Variants in UNC80 observed in about 807,000 individuals in gnomAD.
The protein encoded by UNC80 is protein unc-80 homolog.
Under a neutral mutation model 384.6 loss-of-function variants are expected in UNC80, and 164 were observed. That is an observed-to-expected ratio of 0.43 (90% CI 0.38 to 0.49). UNC80 has a LOEUF of 0.49. Ranked by LOEUF, UNC80 falls within the 20% of genes least tolerant of loss-of-function variation. The pLI is 0.00. For missense variants in UNC80, 3,330 were observed against 4,143.0 expected, an observed-to-expected ratio of 0.80 and a Z score of 5.39; for synonymous variants, 1,486 against 1,527.8, an observed-to-expected ratio of 0.97 and a Z score of 0.64.
intron 40 of UNC80, among the ~76,000 whole-genome samples, chr2:209,936,638 GTA>G (rs764320691): frequency 3.3e-4 from 50 of 151,758 alleles, no homozygotes; most frequent in Admixed American, 2.6e-4. Context: ...ATATATATGT[GTA>G]TATATATATG....
At chr2:209,910,874 A>G (rs561905441) in intron 29 of UNC80, among the ~76,000 whole-genome samples, 21 of 152,322 alleles carry the variant, frequency 1.4e-4, no homozygotes, top group Middle Eastern at 6.8e-3. Flanking sequence ...GAATCATTTA[A>G]AATTGTGTGC....
Position 209,894,169 on chromosome 2 carries a change from G to T in UNC80, c.4283G>T (p.Ser1428Ile). 1 of 985,384 alleles carries T rather than the reference G, an allele frequency of 1.0e-6. No individual in the cohort carries two copies. The highest frequency in any genetic ancestry group is 1.2e-6 in the Non-Finnish European group (1 of 829,920). 61.0% of individuals were successfully genotyped at this position (985,384 alleles called of 1,614,324 possible). ...TTTTATTCTTTTAATACAGTTCCCA[G>T]CAGGAAGATCAGGATAGGAGGTTCT... is the stretch of plus-strand genomic sequence containing the variant. Reference protein sequence around the residue: ...DAGVEEKKVPSRKIRIGGSRL... With the variant: ...DAGVEEKKVPIRKIRIGGSRL... The change falls in exon 27 of 65, where the codon AGC (serine) becomes ATC (isoleucine). Residue 1428 changes from serine (S) to isoleucine (I), a missense_variant. Ser to Ile is a moderately radical substitution (Grantham distance 142, BLOSUM62 -2). Around this residue, in one of 8 missense-constraint regions of UNC80, gnomAD observed 801 missense variants for 950.8 expected, o/e 0.84. Coordinates refer to ENST00000673920, the MANE Select transcript of UNC80 (RefSeq NM_001371986.1).
chr2:209,857,048 C>T (rs2082989027), intron 22 of UNC80, among the ~76,000 whole-genome samples: 1 of 152,082 alleles, frequency 6.6e-6, no homozygotes, highest in Admixed American at 6.6e-5. Flanking sequence ...CCTTGCCTTC[C>T]CAAAGTGCTG....
In UNC80 at chr2:209,839,217, T is replaced by C. The variant is rs1331725882; in HGVS notation, c.3042-5T>C. ...AGTTTAACCCTATCCTCTGCTTGCCTACAGCGATGAACAAATGCAAGGAGC... is the reference window on the plus strand; with the variant it reads ...AGTTTAACCCTATCCTCTGCTTGCCCACAGCGATGAACAAATGCAAGGAGC... On this transcript the variant is annotated splice_region_variant and splice_polypyrimidine_tract_variant and intron_variant, in intron 18 of 64. Coordinates refer to ENST00000673920, the MANE Select transcript of UNC80 (RefSeq NM_001371986.1). The surrounding 1 kb of genome is among the most constrained non-coding windows in gnomAD (Gnocchi z 4.1). 2 of 1,551,200 alleles carry C rather than the reference T, an allele frequency of 1.3e-6. No homozygotes were observed. The highest frequency in any genetic ancestry group is 2.7e-5 in the African/African-American group (2 of 73,010).
In UNC80 at chr2:209,945,146, C is replaced by G. The variant is rs895348958; in HGVS notation, c.7146C>G (p.Asp2382Glu). The G allele has an allele frequency of 1.3e-6, 2 of 1,551,374 alleles. No homozygotes were observed. The highest frequency in any genetic ancestry group is 1.4e-5 in the African/African-American group (1 of 73,014). ...SLEGETTDIL[D>E]ILELVKAEKP... ...AGGGAGAGACCACCGACATATTAGA[C>G]ATCTTAGAGCTGGTCAAAGCTGAGA... is the stretch of plus-strand genomic sequence containing the variant. The change falls in exon 46 of 65, where the codon GAC (aspartate) becomes GAG (glutamate). Residue 2382 changes from aspartate to glutamate, a missense_variant. Transcript: ENST00000673920.
intron 59 of UNC80, among the ~76,000 whole-genome samples, chr2:209,979,841 A>G (rs933265850): frequency 4.6e-5 from 7 of 152,258 alleles, no homozygotes; most frequent in Non-Finnish European, 8.8e-5. Flanking sequence ...ATACCAAACA[A>G]CAACAAAAAG....
intron 61 of UNC80, among the ~76,000 whole-genome samples, chr2:209,988,541 A>G (rs139855290): frequency 0.012 from 1,856 of 152,304 alleles, 20 homozygotes; most frequent in Non-Finnish European, 0.017. Flanking sequence ...AGTGCATAAA[A>G]GATATACTTT....
chr2:209,773,831 A>G (rs1479664542), intron 2 of UNC80, among the ~76,000 whole-genome samples: 1 of 152,246 alleles, frequency 6.6e-6, no homozygotes, highest in African/African-American at 2.4e-5. Context: ...CTAAAAATGA[A>G]TAATATAAAA....
intron 54 of UNC80, among the ~76,000 whole-genome samples, 159 bp from the exon 55 acceptor site, chr2:209,972,042 G>A (rs1319334064): frequency 6.6e-6 from 1 of 152,200 alleles, no homozygotes; most frequent in Non-Finnish European, 1.5e-5. Flanking sequence ...TAAAGTATCA[G>A]TTTTGAGTGA....
intron 38 of UNC80, among the ~76,000 whole-genome samples, chr2:209,933,161 G>T (rs1473580950): frequency 1.3e-5 from 2 of 152,052 alleles, no homozygotes; most frequent in Admixed American, 1.3e-4. Flanking sequence ...TCAATGTATA[G>T]AATGCTGAAC....
At chr2:209,974,681 C>T (rs1188711377) in intron 56 of UNC80, among the ~76,000 whole-genome samples, 1 of 152,220 alleles carries the variant, frequency 6.6e-6, no homozygotes, top group East Asian at 1.9e-4. Context: ...GTGTTATTCT[C>T]ATTTTAGGAG....
At chr2:209,937,745 C>A in intron 42 of UNC80, 115 bp downstream of exon 42, 2 of 736,716 alleles carry the variant, frequency 2.7e-6, no homozygotes, top group Non-Finnish European at 4.6e-6. Flanking sequence ...TCTCTGGAGA[C>A]AGTAGTTGGC....
chr2:209,983,332 A>C (rs1207725231), intron 60 of UNC80, among the ~76,000 whole-genome samples: 1 of 130,602 alleles, frequency 7.7e-6, no homozygotes, highest in Non-Finnish European at 1.7e-5. Flanking sequence ...TAAAATGATA[A>C]ATCATTAATA....
At chr2:209,890,872 A>G (rs1048693009) in intron 26 of UNC80, among the ~76,000 whole-genome samples, 7 of 152,246 alleles carry the variant, frequency 4.6e-5, no homozygotes, top group Admixed American at 3.9e-4. Context: ...CTAATTATGA[A>G]CTAAAGATTG....
At chr2:209,863,558 T>C (rs2083490376) in intron 22 of UNC80, among the ~76,000 whole-genome samples, 4 of 151,968 alleles carry the variant, frequency 2.6e-5, no homozygotes. Context: ...TCTGTAGTCT[T>C]GTCTGCATTC....
chr2:209,881,377 G>C (rs568410267), intron 25 of UNC80, among the ~76,000 whole-genome samples: 1 of 152,094 alleles, frequency 6.6e-6, no homozygotes, highest in Non-Finnish European at 1.5e-5. Flanking sequence ...GGAGCCTTTA[G>C]CTTCCTTTAC....
At chr2:209,936,399 A>G (rs2091247874) in intron 40 of UNC80, among the ~76,000 whole-genome samples, 1 of 152,228 alleles carries the variant, frequency 6.6e-6, no homozygotes, top group African/African-American at 2.4e-5. Flanking sequence ...TAATGTGCAC[A>G]GTGCATGATA....
intron 60 of UNC80, among the ~76,000 whole-genome samples, chr2:209,984,633 G>T (rs1035059971): frequency 2.0e-5 from 3 of 152,148 alleles, no homozygotes; most frequent in African/African-American, 7.2e-5. Context: ...TCCTCTGAGA[G>T]TTGTATCCAT....
At position 209,921,524 on chromosome 2, in the gene UNC80, TC is replaced by T; in HGVS notation, c.5371del (p.Arg1791AlafsTer10). On this transcript the variant is annotated frameshift_variant, in exon 34 of 65. Transcript: ENST00000673920. LOFTEE classifies it high-confidence loss of function. Reference sequence around the variant, plus strand: ...GAAATCCTTTTCAGCCCGGGCTGTGTCCCGCTCCCATCAAAGGGCAGAACAC... The same window carrying T: ...GAAATCCTTTTCAGCCCGGGCTGTGTCCGCTCCCATCAAAGGGCAGAACAC... ...QSKSFSARAV[S>X]RSHQRAEHIL... 1 of 1,529,022 alleles carries T rather than the reference TC, an allele frequency of 6.5e-7. No individual in the cohort carries two copies. The highest frequency in any genetic ancestry group is 8.8e-7 in the Non-Finnish European group (1 of 1,134,116). 94.7% of individuals were successfully genotyped at this position (1,529,022 alleles called of 1,614,324 possible).
Sources: gnomAD v4.1 joint callset for allele counts (sites outside exome capture counted in the v4.1 genomes callset) on GRCh38, gnomAD v4.1.1 for gene constraint, gnomAD v4.1.1 regional missense constraint, Gnocchi (gnomAD v3.1) non-coding constraint, MANE v1.5 for transcripts, NCBI Gene and HGNC (gene_info 2026-07-23, HGNC 2026-07-21) for gene names.